Variants in GTF2E2 observed in about 807,000 individuals in gnomAD.
GTF2E2 encodes the protein general transcription factor IIE subunit 2, also known as transcription initiation factor IIE subunit beta.
GTF2E2 carries 21 observed loss-of-function variants against 40.5 expected under a neutral mutation model. The ratio of observed to expected loss-of-function variants is 0.52; its 90% CI spans 0.37 to 0.75. GTF2E2 has a LOEUF of 0.75. Among genes scored for constraint, GTF2E2 ranks in the 30% least tolerant of loss-of-function variants. The pLI is 0.00. For synonymous variants in GTF2E2, 117 were observed against 121.6 expected, an observed-to-expected ratio of 0.96 and a Z score of 0.25; for missense variants, 298 against 338.4, an observed-to-expected ratio of 0.88 and a Z score of 0.94.
chr8:30,581,261 T>G (rs932972748), intron 6 of GTF2E2, among the ~76,000 whole-genome samples: 2 of 152,156 alleles, frequency 1.3e-5, no homozygotes, highest in African/African-American at 4.8e-5. Context: ...ACTGAGGGGA[T>G]GCACCTTCCC....
At chr8:30,622,635 A>G (rs1353479455) in intron 3 of GTF2E2, among the ~76,000 whole-genome samples, 2 of 152,040 alleles carry the variant, frequency 1.3e-5, no homozygotes, top group Non-Finnish European at 2.9e-5. Flanking sequence ...TGGGAGCACT[A>G]TGGGAGACTG....
intron 6 of GTF2E2, among the ~76,000 whole-genome samples, chr8:30,583,168 T>C (rs895327962): frequency 2.6e-5 from 4 of 152,128 alleles, no homozygotes; most frequent in African/African-American, 7.2e-5. Context: ...ACTGTGTCTC[T>C]ACTAAAAATA....
At position 30,645,453 on chromosome 8, in the gene GTF2E2, T is replaced by C. The variant is rs757242613; in HGVS notation, c.166+7980A>G. 1.2e-5 allele frequency: 18 copies of C among 1,535,694 alleles called. No homozygotes were observed. The South Asian group carries it at 2.1e-4, about 18-fold the overall frequency. On this transcript the variant is annotated intron_variant, in intron 2 of 7. Transcript: ENST00000355904. ...TTTTATTTATATTTACAGTGGTATC[T>C]TTAGTGGTGCTGGCTTTCCTTTATG...
intron 3 of GTF2E2, 130 bp from the exon 4 acceptor site, chr8:30,614,845 G>A (rs762162435): frequency 1.2e-5 from 7 of 600,804 alleles, no homozygotes; most frequent in African/African-American, 9.4e-5. Flanking sequence ...TTATAGTGAC[G>A]AAGAGCCATA....
intron 6 of GTF2E2, among the ~76,000 whole-genome samples, chr8:30,590,316 A>G (rs1225490124): frequency 6.6e-6 from 1 of 152,182 alleles, no homozygotes. Flanking sequence ...TATGTGCCAC[A>G]GTTAAGGGGA....
intron 2 of GTF2E2, among the ~76,000 whole-genome samples, chr8:30,651,443 A>G (rs769606608): frequency 1.3e-5 from 2 of 152,210 alleles, no homozygotes; most frequent in African/African-American, 4.8e-5. Flanking sequence ...AATTTCATTC[A>G]TAAGTGAGAT....
chr8:30,614,787 A>G (rs1800865628), intron 3 of GTF2E2, 72 bp from the exon 4 acceptor site: 2 of 804,788 alleles, frequency 2.5e-6, no homozygotes, highest in South Asian at 3.0e-5. Flanking sequence ...AGTTACATGT[A>G]AACAAACCTT....
At chr8:30,635,486 G>A (rs1801568567) in intron 2 of GTF2E2, among the ~76,000 whole-genome samples, 1 of 152,090 alleles carries the variant, frequency 6.6e-6, no homozygotes, top group Non-Finnish European at 1.5e-5. Flanking sequence ...AGGCTCAGGT[G>A]ATTCTCCCAC....
chr8:30,651,023 A>AC (rs2128730225), intron 2 of GTF2E2, among the ~76,000 whole-genome samples: 1 of 151,862 alleles, frequency 6.6e-6, no homozygotes, highest in East Asian at 1.9e-4. Flanking sequence ...CAAAAAAAAA[A>AC]AAACCACCTC....
chr8:30,627,082 T>C (rs772993917), intron 3 of GTF2E2, among the ~76,000 whole-genome samples: 99 of 152,238 alleles, frequency 6.5e-4, no homozygotes, highest in Non-Finnish European at 1.1e-3. Context: ...GCATGTTAAA[T>C]GACAGTAAGT....
At chr8:30,642,573 T>C (rs553416408) in intron 2 of GTF2E2, among the ~76,000 whole-genome samples, 1 of 152,220 alleles carries the variant, frequency 6.6e-6, no homozygotes, top group Non-Finnish European at 1.5e-5. Flanking sequence ...CTCACTCTCC[T>C]CCCGATGGAT....
At chr8:30,607,290 C>CTGG (rs1829344667) in intron 5 of GTF2E2, 140 bp from the exon 6 acceptor site, 4 of 422,600 alleles carry the variant, frequency 9.5e-6, no homozygotes, top group Non-Finnish European at 1.3e-5. Flanking sequence ...CATAGGTCCA[C>CTGG]TGGACCCAAT....
At chr8:30,637,506 ATAATTTTATTTTAT>A (rs1474488617) in intron 2 of GTF2E2, among the ~76,000 whole-genome samples, 1 of 76,000 alleles carries the variant, frequency 1.3e-5, no homozygotes, top group African/African-American at 4.3e-5. Context: ...CAATTCATCT[ATAATTTTATTTTAT>A]TTATTTTATT....
intron 3 of GTF2E2, among the ~76,000 whole-genome samples, chr8:30,630,542 GA>G: frequency 6.6e-6 from 1 of 152,144 alleles, no homozygotes; most frequent in African/African-American, 2.4e-5. Context: ...GACTTTCCAA[GA>G]ATCTGTTTAC....
At chr8:30,599,974 T>C (rs962868240) in intron 6 of GTF2E2, among the ~76,000 whole-genome samples, 1 of 152,132 alleles carries the variant, frequency 6.6e-6, no homozygotes, top group Non-Finnish European at 1.5e-5. Context: ...AAAGCGAGAC[T>C]CTGTCTCAAA....
rs1294669517 is a variant in GTF2E2 at position 30,591,989 on chromosome 8, A to G, written c.644-11593T>C. Among the ~76,000 whole-genome samples the G allele has an allele frequency of 2.0e-5, 3 of 152,134 alleles. No homozygotes were observed. The East Asian group carries it at 5.8e-4, about 29-fold the overall frequency. On this transcript the variant is annotated intron_variant, in intron 6 of 7. Coordinates refer to ENST00000355904, the MANE Select transcript of GTF2E2 (RefSeq NM_002095.6). Reference sequence around the variant, plus strand: ...ATAAGCACTGCTATAGCTGCATCCCATGAATTTTGATACACTGTGCTTTCA... The same window carrying G: ...ATAAGCACTGCTATAGCTGCATCCCGTGAATTTTGATACACTGTGCTTTCA...
intron 5 of GTF2E2, among the ~76,000 whole-genome samples, chr8:30,608,390 A>G (rs1378622679): frequency 6.6e-6 from 1 of 152,242 alleles, no homozygotes; most frequent in African/African-American, 2.4e-5. Flanking sequence ...TGCTAAAAGG[A>G]TATATGACAG....
chr8:30,600,644 C>T (rs944980813), intron 6 of GTF2E2, among the ~76,000 whole-genome samples: 1 of 152,120 alleles, frequency 6.6e-6, no homozygotes, highest in Non-Finnish European at 1.5e-5. Context: ...AACCTACAAT[C>T]TAACTCCTCA....
Position 30,613,210 on chromosome 8 carries a change from T to C in GTF2E2, c.367-729A>G, listed in dbSNP as rs575658002. ...TACAGCTTATCACATACTGGCATTA[T>C]AAAGTAAGGAACATAACCCTTACTA... On this transcript the variant is annotated intron_variant, in intron 4 of 7. Transcript: ENST00000355904. Among the ~76,000 whole-genome samples the C allele has an allele frequency of 4.6e-5, 7 of 152,346 alleles. 1 individual carries two copies. Among genetic ancestry groups the C allele is most frequent in the African/African-American group, 1.2e-4 (5 of 41,584 alleles).
Sources: allele counts gnomAD v4.1 joint callset (sites outside exome capture counted in the v4.1 genomes callset), GRCh38; gene constraint gnomAD v4.1.1; transcripts MANE v1.5; gene names NCBI Gene and HGNC (gene_info 2026-07-23, HGNC 2026-07-21).